The following KIF18A variants were observed in gnomAD, a reference collection of about 807,000 sequenced individuals.
KIF18A encodes kinesin-like protein KIF18A.
A neutral mutation model predicts 103.3 loss-of-function variants in KIF18A; 67 were observed. That is an observed-to-expected ratio of 0.65 (90% CI 0.53 to 0.79). The LOEUF is 0.79. Among genes scored for constraint, KIF18A ranks in the 30% least tolerant of loss-of-function variants. The pLI is 0.00. For synonymous variants in KIF18A, 367 were observed against 355.5 expected (o/e 1.03, Z -0.36); for missense variants, 1,032 against 1,062.5 (o/e 0.97, Z 0.40).
intron 15 of KIF18A, among the ~76,000 whole-genome samples, chr11:28,028,526 G>A (rs902530408): frequency 6.6e-6 from 1 of 152,060 alleles, no homozygotes; most frequent in Non-Finnish European, 1.5e-5. Context: ...CACATTTAAA[G>A]CAGTGTGTAG....
At chr11:28,084,520 A>T in intron 7 of KIF18A, 112 bp downstream of exon 7, 1 of 816,244 alleles carries the variant, frequency 1.2e-6, no homozygotes, top group South Asian at 2.1e-5. Context: ...TCTAACCCTC[A>T]GCTGCCTAAC....
At chr11:28,071,274 G>C (rs1317922625) in intron 10 of KIF18A, among the ~76,000 whole-genome samples, 1 of 152,050 alleles carries the variant, frequency 6.6e-6, no homozygotes, top group African/African-American at 2.4e-5. Context: ...GAGGCTAAAT[G>C]ATGTGTAACA....
chr11:28,073,891 A>G (rs1304168288), intron 10 of KIF18A, among the ~76,000 whole-genome samples: 2 of 152,224 alleles, frequency 1.3e-5, no homozygotes, highest in South Asian at 2.1e-4. Context: ...TGTTAAGTCA[A>G]TATCAGCTTC....
intron 13 of KIF18A, among the ~76,000 whole-genome samples, chr11:28,046,921 G>A (rs1331796198): frequency 6.6e-6 from 1 of 151,048 alleles, no homozygotes; most frequent in Non-Finnish European, 1.5e-5. Flanking sequence ...GGGCCTGGTG[G>A]TGGGCGCCTG....
chr11:28,031,279 A>G (rs1220426609), intron 15 of KIF18A, among the ~76,000 whole-genome samples: 1 of 152,206 alleles, frequency 6.6e-6, no homozygotes, highest in Non-Finnish European at 1.5e-5. Context: ...CTTGTACCCA[A>G]TCCAAATGTC....
chr11:28,056,912 G>C (rs1185808923), intron 13 of KIF18A: 3 of 393,348 alleles, frequency 7.6e-6, no homozygotes, highest in South Asian at 1.8e-5. Flanking sequence ...GACTCTAGTT[G>C]GGAGTGAGGG....
intron 15 of KIF18A, among the ~76,000 whole-genome samples, chr11:28,031,962 G>A (rs1360415288): frequency 1.3e-5 from 2 of 151,800 alleles, no homozygotes; most frequent in Non-Finnish European, 2.9e-5. Context: ...GTTTGCAGAT[G>A]ACATGATCTT....
intron 1 of KIF18A, among the ~76,000 whole-genome samples, chr11:28,107,545 T>C (rs1286794691): frequency 1.3e-5 from 2 of 152,190 alleles, no homozygotes; most frequent in Non-Finnish European, 2.9e-5. Context: ...ATCTCGATGC[T>C]ACCTACAACT....
intron 13 of KIF18A, among the ~76,000 whole-genome samples, chr11:28,038,849 T>C (rs1316020841): frequency 6.6e-6 from 1 of 151,786 alleles, no homozygotes; most frequent in Admixed American, 6.6e-5. Flanking sequence ...TGTCAAATTT[T>C]CCATTACCAG....
At position 28,029,550 on chromosome 11, in the gene KIF18A, A is replaced by G. The variant is rs984081446; in HGVS notation, c.2505-5700T>C. ...TATCTCAAAATAATAAGAGCTATCT[A>G]TGACAAACCCACAGCCAATATCATA... On this transcript the variant is annotated intron_variant, in intron 15 of 16. Coordinates refer to ENST00000263181, the MANE Select transcript of KIF18A (RefSeq NM_031217.4). Among the ~76,000 whole-genome samples, 442 of 152,298 alleles carry G rather than the reference A, an allele frequency of 2.9e-3. 1 individual carries two copies. The highest frequency in any genetic ancestry group is 0.011 in the South Asian group (53 of 4,820).
chr11:28,070,825 G>C (rs1851003210), intron 10 of KIF18A, among the ~76,000 whole-genome samples: 1 of 152,192 alleles, frequency 6.6e-6, no homozygotes, highest in South Asian at 2.1e-4. Flanking sequence ...AGGACTGCTT[G>C]AGGCCAGAAG....
Position 28,083,199 on chromosome 11 carries a change from A to C in KIF18A, c.1119T>G (p.Tyr373Ter), listed in dbSNP as rs749458138. ...CCTTCTGCTCATTACAGATCTTTAC[A>C]TATTGAGTTATATGATTATTGACAT... ...VLNVNNHITQ[Y>*]VKICNEQKAE... The change falls in exon 8 of 17, where the codon TAT becomes TAG. Residue 373 changes from tyrosine (Y) to a stop codon, truncating the protein, a stop_gained. Coordinates refer to ENST00000263181, the MANE Select transcript of KIF18A (RefSeq NM_031217.4). LOFTEE classifies it high-confidence loss of function. 1 of 1,564,288 alleles carries C rather than the reference A, an allele frequency of 6.4e-7. No homozygotes were observed. The highest frequency in any genetic ancestry group is 8.6e-7 in the Non-Finnish European group (1 of 1,165,806).
In KIF18A at chr11:28,091,185, C is replaced by T. The variant is rs765262576; in HGVS notation, c.588+224G>A. 7.3e-5 allele frequency among the ~76,000 whole-genome samples: 11 copies of T among 151,392 alleles called. No individual in the cohort carries two copies. In the South Asian group the frequency reaches 8.4e-4, roughly 12 times the overall value. Reference sequence around the variant, plus strand: ...ACATACATACATACATACATACATACGTAGATTAAAATTTAAAAATAAAAT... The same window carrying T: ...ACATACATACATACATACATACATATGTAGATTAAAATTTAAAAATAAAAT... On this transcript the variant is annotated intron_variant, in intron 4 of 16. Coordinates refer to ENST00000263181, the MANE Select transcript of KIF18A (RefSeq NM_031217.4).
At chr11:28,053,088 G>A (rs952510686) in intron 13 of KIF18A, among the ~76,000 whole-genome samples, 5 of 46,716 alleles carry the variant, frequency 1.1e-4, no homozygotes, top group African/African-American at 2.2e-4. Flanking sequence ...ACAAAAGTGG[G>A]AGAGAGTGTC....
chr11:28,051,045 CACTT>C (rs1043517650), intron 13 of KIF18A, among the ~76,000 whole-genome samples: 45 of 151,728 alleles, frequency 3.0e-4, no homozygotes, highest in African/African-American at 9.4e-4. Flanking sequence ...ATTTATAAAA[CACTT>C]ACGAAGAAAA....
chr11:28,062,691 G>A (rs1451731534), intron 11 of KIF18A, among the ~76,000 whole-genome samples, 175 bp from the exon 12 acceptor site: 1 of 152,034 alleles, frequency 6.6e-6, no homozygotes, highest in Non-Finnish European at 1.5e-5. Context: ...TAATTTACAA[G>A]CAAGATAAGT....
At position 28,088,610 on chromosome 11, in the gene KIF18A, T is replaced by C; in HGVS notation, c.811A>G (p.Lys271Glu). 6.2e-7 allele frequency: 1 copy of C among 1,614,064 alleles called. No individual in the cohort carries two copies. The highest frequency in any genetic ancestry group is 8.5e-7 in the Non-Finnish European group (1 of 1,179,952). ...GSERASTSGA[K>E]GTRFVEGTNI... ...GTGCCTTCTACAAATCGGGTCCCCT[T>C]AGCACCGGAAGTACTTGCTCGCTCA... Residue 271 changes from lysine to glutamate, a missense_variant, in exon 6 of 17, where the codon AAG (lysine) becomes GAG (glutamate). Coordinates refer to ENST00000263181, the MANE Select transcript of KIF18A (RefSeq NM_031217.4).
intron 4 of KIF18A, 23 bp downstream of exon 4, chr11:28,091,386 G>C: frequency 1.6e-6 from 2 of 1,266,472 alleles, no homozygotes; most frequent in East Asian, 2.3e-5. Flanking sequence ...TTCTAACAGG[G>C]AAAAAGATGT....
At chr11:28,104,132 C>T (rs567444536) in intron 1 of KIF18A, among the ~76,000 whole-genome samples, 10 of 152,092 alleles carry the variant, frequency 6.6e-5, no homozygotes, top group Non-Finnish European at 1.3e-4. Context: ...AAGATTCACC[C>T]CTAATTATAT....
Sources: allele counts gnomAD v4.1 joint callset (sites outside exome capture counted in the v4.1 genomes callset), GRCh38; gene constraint gnomAD v4.1.1; transcripts MANE v1.5; gene names NCBI Gene and HGNC (gene_info 2026-07-23, HGNC 2026-07-21).